PDE1A: variants seen among roughly 807,000 people sequenced by gnomAD.
PDE1A encodes phosphodiesterase 1A.
PDE1A carries 35 observed loss-of-function variants against 61.7 expected under a neutral mutation model. The ratio of observed to expected loss-of-function variants is 0.57; its 90% CI spans 0.43 to 0.75. PDE1A has a LOEUF of 0.75. Among genes scored for constraint, PDE1A ranks in the 30% least tolerant of loss-of-function variants. The probability of loss-of-function intolerance (pLI) is 0.00; values close to 1 mark genes in which losing one functional copy is unlikely to be tolerated. For synonymous variants in PDE1A, 232 were observed against 213.2 expected (o/e 1.09, Z -0.77); for missense variants, 597 against 630.6 (o/e 0.95, Z 0.57).
Position 182,508,292 on chromosome 2 carries a change from GA to G in PDE1A, c.101+13983del, listed in dbSNP as rs551277844. On this transcript the variant is annotated intron_variant, in intron 2 of 14. Coordinates refer to the PDE1A transcript ENST00000410103. ...GATAGCTAACATTATAATCAACGGT[GA>G]AAAGCCTAAAACATTCCATCAAAGA... Among the ~76,000 whole-genome samples the G allele has an allele frequency of 2.8e-4, 43 of 151,958 alleles. No homozygotes were observed. In the South Asian group the frequency reaches 8.7e-3, roughly 31 times the overall value.
At chr2:182,629,412 C>T in the PDE1A span, among the ~76,000 whole-genome samples, 1 of 152,204 alleles carries the variant, frequency 6.6e-6, no homozygotes. Flanking sequence ...TTACTACCAC[C>T]ACCACCACTC....
intron 2 of PDE1A, among the ~76,000 whole-genome samples, chr2:182,451,976 CT>C (rs561317263): frequency 4.2e-4 from 61 of 146,090 alleles, no homozygotes; most frequent in African/African-American, 7.0e-4. Flanking sequence ...GACACATTTT[CT>C]TTTTTTTTTT....
chr2:182,193,276 G>C (rs760828050), intron 10 of PDE1A, among the ~76,000 whole-genome samples: 1 of 152,072 alleles, frequency 6.6e-6, no homozygotes, highest in Admixed American at 6.6e-5. Context: ...GTGAGCCACC[G>C]CGCCTGGCCA....
intron 2 of PDE1A, among the ~76,000 whole-genome samples, chr2:182,455,214 C>A (rs534002796): frequency 1.3e-5 from 2 of 152,172 alleles, no homozygotes; most frequent in Non-Finnish European, 2.9e-5. Context: ...GAGATACCAT[C>A]TCACACCAGT....
At chr2:182,174,301 T>C (rs1316486889) in intron 13 of PDE1A, among the ~76,000 whole-genome samples, 1 of 152,130 alleles carries the variant, frequency 6.6e-6, no homozygotes, top group Non-Finnish European at 1.5e-5. Context: ...TATTTCCTGA[T>C]GACGTCCATG....
the PDE1A span, among the ~76,000 whole-genome samples, chr2:182,582,324 A>G: frequency 2.0e-5 from 3 of 152,208 alleles, no homozygotes; most frequent in Non-Finnish European, 4.4e-5. Flanking sequence ...ATTTAGCAAA[A>G]AGCTTTTGAA....
intron 2 of PDE1A, among the ~76,000 whole-genome samples, chr2:182,509,193 G>T (rs912444823): frequency 2.0e-5 from 3 of 152,114 alleles, no homozygotes; most frequent in African/African-American, 4.8e-5. Context: ...TTTCGCAAAG[G>T]TCCAAGCTCT....
intron 2 of PDE1A, among the ~76,000 whole-genome samples, chr2:182,448,913 A>G (rs1198937054): frequency 6.6e-6 from 1 of 152,058 alleles, no homozygotes; most frequent in Non-Finnish European, 1.5e-5. Flanking sequence ...AAGACATACT[A>G]AAGCAATATC....
At chr2:182,684,904 T>C in the PDE1A span, among the ~76,000 whole-genome samples, 1 of 152,034 alleles carries the variant, frequency 6.6e-6, no homozygotes, top group East Asian at 1.9e-4. Context: ...CATATATACG[T>C]ATATAAATGA....
chr2:182,167,050 A>C (rs1691687794), downstream of PDE1A, among the ~76,000 whole-genome samples: 3 of 152,160 alleles, frequency 2.0e-5, no homozygotes, highest in Admixed American at 1.3e-4. Context: ...TAAACCGTTC[A>C]TGTTCTGAGA....
In PDE1A at chr2:182,443,993, G is replaced by A. The variant is rs192774480; in HGVS notation, c.101+78283C>T. Among the ~76,000 whole-genome samples the A allele has an allele frequency of 5.5e-4, 84 of 152,112 alleles. No individual in the cohort carries two copies. The East Asian group carries it at 9.5e-3, about 17-fold the overall frequency. The stretch of plus-strand genomic sequence containing the variant: ...GCTGGGATTTCAGGCGTGAGCCACC[G>A]CGCCCGGCCAAACTTCTTTTCTTTA... On this transcript the variant is annotated intron_variant, in intron 2 of 14. Transcript: ENST00000410103.
chr2:182,475,580 G>C (rs1687302411), intron 2 of PDE1A, among the ~76,000 whole-genome samples: 1 of 151,912 alleles, frequency 6.6e-6, no homozygotes, highest in Non-Finnish European at 1.5e-5. Flanking sequence ...GGGAGAGCTA[G>C]GGTTATAGTT....
chr2:182,371,671 A>T (rs1700134337), intron 1 of PDE1A, among the ~76,000 whole-genome samples: 1 of 152,222 alleles, frequency 6.6e-6, no homozygotes, highest in African/African-American at 2.4e-5. Flanking sequence ...GATAGTAATA[A>T]CCATTTGTTT....
chr2:182,394,583 AT>A (rs1166580766), intron 1 of PDE1A, among the ~76,000 whole-genome samples: 1 of 152,122 alleles, frequency 6.6e-6, no homozygotes, highest in Non-Finnish European at 1.5e-5. Context: ...GCTGACATTG[AT>A]TCCAGGGGAC....
chr2:182,178,024 T>G (rs1020195609), intron 13 of PDE1A, among the ~76,000 whole-genome samples: 2 of 152,210 alleles, frequency 1.3e-5, no homozygotes, highest in Non-Finnish European at 2.9e-5. Context: ...CTGAAACAAC[T>G]ACAAAAGCTT....
chr2:182,421,886 G>A (rs144783155), intron 1 of PDE1A, among the ~76,000 whole-genome samples: 375 of 152,234 alleles, frequency 2.5e-3, no homozygotes, highest in African/African-American at 8.4e-3. Context: ...AACAAAATTA[G>A]GATGTGCTTT....
the PDE1A span, among the ~76,000 whole-genome samples, chr2:182,577,914 T>C: frequency 8.2e-6 from 1 of 121,470 alleles, no homozygotes; most frequent in Non-Finnish European, 1.6e-5. Context: ...AGCAAGACTT[T>C]GTCGAAAGAA....
chr2:182,519,643 T>C (rs755401533), intron 2 of PDE1A, among the ~76,000 whole-genome samples: 4 of 151,922 alleles, frequency 2.6e-5, no homozygotes, highest in African/African-American at 4.8e-5. Context: ...GATATTTTAA[T>C]TTAGTTACCA....
chr2:182,336,668 G>C (rs746155456), intron 1 of PDE1A, among the ~76,000 whole-genome samples: 4 of 152,092 alleles, frequency 2.6e-5, no homozygotes, highest in Non-Finnish European at 5.9e-5. Flanking sequence ...ACCTAATGTA[G>C]ATGATGGGTT....
Sources: allele counts gnomAD v4.1 joint callset (sites outside exome capture counted in the v4.1 genomes callset), GRCh38; gene constraint gnomAD v4.1.1; transcripts MANE v1.5; gene names NCBI Gene and HGNC (gene_info 2026-07-23, HGNC 2026-07-21).